CWC15: variants seen among roughly 807,000 people sequenced by gnomAD.
CWC15 encodes the protein CWC15 spliceosome associated protein.
A neutral mutation model predicts 28.4 loss-of-function variants in CWC15; 12 were observed. The observed-to-expected ratio is 0.42, with a 90% confidence interval of 0.27 to 0.69. The LOEUF is 0.69. CWC15 is among the 30% of genes least tolerant of loss of function. The pLI is 0.23. For missense variants in CWC15, 192 were observed against 271.5 expected (o/e 0.71, Z 2.06); for synonymous variants, 92 against 88.4 (o/e 1.04, Z -0.23).
intron 2 of CWC15, among the ~76,000 whole-genome samples, 177 bp downstream of exon 2, chr11:94,971,878 A>G (rs1227744443): frequency 6.6e-6 from 1 of 152,230 alleles, no homozygotes; most frequent in Admixed American, 6.5e-5. Flanking sequence ...ATTCCTGGTT[A>G]GTAGGAATTT....
At chr11:94,968,712 A>G (rs1168827577) in intron 5 of CWC15, among the ~76,000 whole-genome samples, 1 of 152,212 alleles carries the variant, frequency 6.6e-6, no homozygotes, top group Non-Finnish European at 1.5e-5. Flanking sequence ...TCTTCTTCCA[A>G]TCTGAATTCT....
At chr11:94,971,147 G>C in intron 3 of CWC15, 82 bp from the exon 4 acceptor site, 2 of 1,265,454 alleles carry the variant, frequency 1.6e-6, no homozygotes, top group Non-Finnish European at 2.3e-6. Context: ...TGAGCACAAG[G>C]AGCCCACATT....
intron 3 of CWC15, 112 bp downstream of exon 3, chr11:94,971,263 T>G (rs927497658): frequency 1.0e-6 from 1 of 992,538 alleles, no homozygotes; most frequent in South Asian, 1.4e-5. Flanking sequence ...GTAGTACAGC[T>G]CACATCAATC....
chr11:94,964,296 C>A (rs1160581184), intron 6 of CWC15, among the ~76,000 whole-genome samples: 2 of 151,782 alleles, frequency 1.3e-5, no homozygotes, highest in African/African-American at 4.8e-5. Context: ...TGTGTGCATG[C>A]GCTTACACGT....
Position 94,971,415 on chromosome 11 carries a change from T to G in CWC15, c.204A>C (p.Arg68Ser), listed in dbSNP as rs587748547. Residue 68 changes from arginine (R) to serine (S), a missense_variant, in exon 3 of 7, where the codon AGA (arginine) becomes AGC (serine). By Grantham distance (110) the Arg-to-Ser change is moderately radical (BLOSUM62 -1). Transcript: ENST00000279839. ...DFRRELEERERAAAREKNRDR... is the reference protein window; with the variant it reads ...DFRRELEERESAAAREKNRDR... ...CCCTATTTTTCTCTCTTGCAGCAGC[T>G]CTCTCTCTTTCTTCCAACTCTCTCC... 1.2e-6 allele frequency: 2 copies of G among 1,612,950 alleles called. No homozygotes were observed. The highest frequency in any genetic ancestry group is 1.7e-6 in the Non-Finnish European group (2 of 1,179,420).
intron 3 of CWC15, 147 bp from the exon 4 acceptor site, chr11:94,971,212 T>C (rs1300171355): frequency 1.0e-5 from 10 of 959,228 alleles, no homozygotes; most frequent in South Asian, 2.9e-5. Context: ...AATAAGCCTT[T>C]GGTAAATATT....
At position 94,963,251 on chromosome 11, in the gene CWC15, A is replaced by T. The variant is rs1474872089; in HGVS notation, c.*134T>A. On this transcript the variant is annotated 3_prime_UTR_variant, in exon 7 of 7. Coordinates refer to ENST00000279839, the MANE Select transcript of CWC15 (RefSeq NM_016403.4). ...CCATTATCAAGTAAGGTATCACTAAAGAAAAAGATAGGAGTTTAAAACTGG... is the reference window on the plus strand; with the variant it reads ...CCATTATCAAGTAAGGTATCACTAATGAAAAAGATAGGAGTTTAAAACTGG... 1.1e-5 allele frequency: 7 copies of T among 614,528 alleles called. No individual in the cohort carries two copies. Among genetic ancestry groups the T allele is most frequent in the Non-Finnish European group, 1.8e-5 (7 of 391,074 alleles). The allele number at this position is 614,528 out of a possible 1,614,324, so 38.1% of individuals were successfully genotyped here.
chr11:94,963,651 A>T (rs1857598496), intron 6 of CWC15, 137 bp from the exon 7 acceptor site: 1 of 587,100 alleles, frequency 1.7e-6, no homozygotes, highest in Admixed American at 4.2e-5. Flanking sequence ...AATTACACTC[A>T]AAAGAATAAT....
chr11:94,964,970 A>T (rs587735710), intron 6 of CWC15, among the ~76,000 whole-genome samples: 1 of 152,354 alleles, frequency 6.6e-6, no homozygotes, highest in South Asian at 2.1e-4. Context: ...TCCAGCTTGG[A>T]CTAATTCCCG....
At chr11:94,964,335 TG>T (rs1465689417) in intron 6 of CWC15, among the ~76,000 whole-genome samples, 10 of 152,088 alleles carry the variant, frequency 6.6e-5, no homozygotes, top group African/African-American at 2.4e-4. Context: ...GGAACAAATG[TG>T]GGAAAGTGCA....
In CWC15 at chr11:94,963,511, C is replaced by A; in HGVS notation, c.564G>T (p.Trp188Cys). ...PQANFKVKRRWDDDVVFKNCA... is the reference protein window; with the variant it reads ...PQANFKVKRRCDDDVVFKNCA... ...AGTTCTTGAAGACAACGTCATCATC[C>A]CACCTGAGGAAAAAAAAGCAAACAG... The change falls in exon 7 of 7, where the codon TGG becomes TGT. Residue 188 changes from tryptophan to cysteine, a missense_variant. Transcript: ENST00000279839. 6.4e-7 allele frequency: 1 copy of A among 1,562,768 alleles called. No individual in the cohort carries two copies. Among genetic ancestry groups the A allele is most frequent in the Non-Finnish European group, 8.7e-7 (1 of 1,154,012 alleles).
Position 94,970,995 on chromosome 11 carries a change from T to C in CWC15, c.315A>G (p.Ala105=), listed in dbSNP as rs16921236. ...AACATACATCTGTTAGAGGGTCATC[T>C]GCATCAAGGTTGGCGGCAGGAATCT... ...LDQIPAANLD[A]DDPLTDEEDE... The change falls in exon 4 of 7, where the codon GCA becomes GCG. Residue 105 remains alanine, a synonymous_variant. Coordinates refer to ENST00000279839, the MANE Select transcript of CWC15 (RefSeq NM_016403.4). 5,214 of 1,613,182 alleles carry C rather than the reference T, an allele frequency of 3.2e-3. 137 individuals are homozygous for C. In the African/African-American group the frequency reaches 0.061, roughly 19 times the overall value.
chr11:94,967,148 T>C (rs1857657613), intron 5 of CWC15, among the ~76,000 whole-genome samples: 1 of 151,286 alleles, frequency 6.6e-6, no homozygotes, highest in Admixed American at 6.6e-5. Flanking sequence ...CAGGTTCAAG[T>C]GATTCTCCTG....
In CWC15 at chr11:94,963,302, G is replaced by C; in HGVS notation, c.*83C>G. The C allele has an allele frequency of 8.9e-7, 1 of 1,121,772 alleles. No individual in the cohort carries two copies. The highest frequency in any genetic ancestry group is 1.2e-6 in the Non-Finnish European group (1 of 838,518). 69.5% of individuals were successfully genotyped at this position (1,121,772 alleles called of 1,614,324 possible). On this transcript the variant is annotated 3_prime_UTR_variant, in exon 7 of 7. Coordinates refer to ENST00000279839, the MANE Select transcript of CWC15 (RefSeq NM_016403.4). ...GGAAGCCCACACACAATTTAGACAG[G>C]GGAAAAGAAAAAAAAAACTCATAAA...
At chr11:94,971,169 CCA>C (rs1857714732) in intron 3 of CWC15, 104 bp from the exon 4 acceptor site, 11 of 1,111,884 alleles carry the variant, frequency 9.9e-6, no homozygotes, top group Non-Finnish European at 1.5e-5. Flanking sequence ...AAAGCATTAT[CCA>C]CAGTGAACTC....
At chr11:94,972,831 T>C (rs1392713012) in intron 1 of CWC15, among the ~76,000 whole-genome samples, 4 of 152,134 alleles carry the variant, frequency 2.6e-5, no homozygotes, top group East Asian at 1.9e-4. Flanking sequence ...TACTATAAAT[T>C]AGATCGTTTG....
At chr11:94,967,833 A>G (rs948229542) in intron 5 of CWC15, among the ~76,000 whole-genome samples, 1 of 152,236 alleles carries the variant, frequency 6.6e-6, no homozygotes. Context: ...AAAGCTATAT[A>G]TTTATTTGTA....
At chr11:94,967,697 G>A (rs1337722360) in intron 5 of CWC15, among the ~76,000 whole-genome samples, 4 of 152,126 alleles carry the variant, frequency 2.6e-5, no homozygotes, top group Admixed American at 2.6e-4. Context: ...TCATTTTTAT[G>A]AAGAAAAATA....
chr11:94,972,654 T>C (rs973048432), intron 1 of CWC15, among the ~76,000 whole-genome samples: 1 of 152,100 alleles, frequency 6.6e-6, no homozygotes, highest in South Asian at 2.1e-4. Flanking sequence ...CTTCACACAA[T>C]AGCAAATAGG....
Sources: allele counts gnomAD v4.1 joint callset (sites outside exome capture counted in the v4.1 genomes callset), GRCh38; gene constraint gnomAD v4.1.1; transcripts MANE v1.5; gene names NCBI Gene and HGNC (gene_info 2026-07-23, HGNC 2026-07-21).